RGPD3: variants seen among roughly 807,000 people sequenced by gnomAD.
The protein encoded by RGPD3 is ranBP2-like and GRIP domain-containing protein 3.
RGPD3 carries 62 observed loss-of-function variants against 154.5 expected under a neutral mutation model. The ratio of observed to expected loss-of-function variants is 0.40; its 90% confidence interval spans 0.33 to 0.50. The LOEUF is 0.50. Among genes scored for constraint, RGPD3 ranks in the 20% least tolerant of loss-of-function variants. RGPD3 has a pLI of 0.59. For synonymous variants in RGPD3, 308 were observed against 607.0 expected, an observed-to-expected ratio of 0.51 and a Z score of 7.24; for missense variants, 919 against 1,716.8, an observed-to-expected ratio of 0.54 and a Z score of 8.21.
At chr2:106,470,782 C>G, upstream of RGPD3, 1 of 1,587,500 alleles carries the variant, frequency 6.3e-7, no homozygotes, top group Non-Finnish European at 8.5e-7. Context: ...TTTTTGGCAA[C>G]ACCTAGTCCT....
rs746525859 is a variant in RGPD3, at chr2:106,425,123, C to T, written c.2844G>A (p.Gln948=). The change falls in exon 20 of 23, where the codon CAG becomes CAA. Residue 948 remains glutamine, a synonymous_variant. Transcript: ENST00000409886. ...TCTTCCGGCCACTAATATCCTGAGC[C>T]TGTAAGCCAGTATCATTTTCAAGAG... is the stretch of plus-strand genomic sequence containing the variant. ...EKPLENDTGL[Q]AQDISGRKKG... is the part of the protein sequence containing the mutation. 2 of 1,612,002 alleles carry T rather than the reference C, an allele frequency of 1.2e-6. No individual in the cohort carries two copies. The highest frequency in any genetic ancestry group is 2.2e-5 in the East Asian group (1 of 44,884).
chr2:106,437,911 C>T (rs1185263677), intron 9 of RGPD3, among the ~76,000 whole-genome samples: 1 of 152,184 alleles, frequency 6.6e-6, no homozygotes, highest in Admixed American at 6.5e-5. Flanking sequence ...TGGCCAGATG[C>T]AGTGGCTCAT....
upstream of RGPD3, among the ~76,000 whole-genome samples, chr2:106,470,036 A>G (rs1333223275): frequency 3.3e-5 from 5 of 152,024 alleles, no homozygotes; most frequent in East Asian, 7.7e-4. Flanking sequence ...TTCATTTGTA[A>G]CCTCTATCTC....
At chr2:106,467,557 T>C (rs1312638263) in intron 1 of RGPD3, among the ~76,000 whole-genome samples, 314 of 96,478 alleles carry the variant, frequency 3.3e-3, no homozygotes, top group African/African-American at 3.5e-3. Context: ...CAACAGAGCG[T>C]GCCAGGGAGC....
chr2:106,434,053 C>T (rs1025255343), intron 15 of RGPD3, among the ~76,000 whole-genome samples, 175 bp downstream of exon 15: 2 of 145,434 alleles, frequency 1.4e-5, no homozygotes, highest in African/African-American at 2.6e-5. Context: ...AAAAGACACA[C>T]CAAACCTAAG....
rs533281246 is a variant in RGPD3, at chr2:106,464,069, G to A, written c.72+4148C>T. 7.0e-3 allele frequency among the ~76,000 whole-genome samples: 1,061 copies of A among 152,346 alleles called. 4 individuals carry two copies. The highest frequency in any genetic ancestry group is 0.011 in the Non-Finnish European group (758 of 68,036). On this transcript the variant is annotated intron_variant, in intron 1 of 22. Transcript: ENST00000409886. ...GTACAGAATGTCTAAAATGGGGCCC[G>A]GCGCGGTGGCTCACGCCTGTAATCC...
chr2:106,464,579 A>T (rs866597101), intron 1 of RGPD3, among the ~76,000 whole-genome samples: 107 of 151,346 alleles, frequency 7.1e-4, no homozygotes, highest in Middle Eastern at 3.4e-3. Flanking sequence ...TTCTAAAAAA[A>T]ATATAAATAA....
chr2:106,451,247 A>C (rs1279705176), intron 6 of RGPD3, among the ~76,000 whole-genome samples: 2 of 151,902 alleles, frequency 1.3e-5, no homozygotes, highest in East Asian at 3.9e-4. Flanking sequence ...GTTTTCTAAA[A>C]TAATCTTAAA....
chr2:106,417,273 GCATC>G (rs1676849492), intron 20 of RGPD3, among the ~76,000 whole-genome samples: 2 of 103,508 alleles, frequency 1.9e-5, no homozygotes, highest in Non-Finnish European at 3.8e-5. Flanking sequence ...TACTTAATAA[GCATC>G]CATCCATCCA....
intron 1 of RGPD3, among the ~76,000 whole-genome samples, chr2:106,461,413 G>C (rs534472018): frequency 1.3e-5 from 2 of 152,284 alleles, no homozygotes; most frequent in South Asian, 4.2e-4. Flanking sequence ...TAGCAGGTGG[G>C]GAGCACATAC....
rs111757886 is a variant in RGPD3, at chr2:106,466,013, C to G, written c.72+2204G>C. The stretch of plus-strand genomic sequence containing the variant: ...CAGGCCAAGGAGGTATGACCTCCGC[C>G]GCAGCATATAAAGTAAATGTCCAGG... On this transcript the variant is annotated intron_variant, in intron 1 of 22. Coordinates refer to ENST00000409886, the MANE Select transcript of RGPD3 (RefSeq NM_001144013.2). 2.7e-4 allele frequency among the ~76,000 whole-genome samples: 41 copies of G among 152,038 alleles called. No individual in the cohort carries two copies. The South Asian group carries it at 7.1e-3, about 26-fold the overall frequency.
intron 1 of RGPD3, among the ~76,000 whole-genome samples, chr2:106,466,157 C>G (rs981328662): frequency 6.7e-6 from 1 of 148,892 alleles, no homozygotes; most frequent in African/African-American, 2.6e-5. Flanking sequence ...CGAGCACCGT[C>G]GGGAACAAGC....
chr2:106,432,111 T>C (rs1234595794), intron 17 of RGPD3, among the ~76,000 whole-genome samples: 4 of 148,840 alleles, frequency 2.7e-5, no homozygotes, highest in African/African-American at 9.9e-5. Flanking sequence ...TTTGAAGGTC[T>C]CAAATTTTGT....
chr2:106,417,586 G>A (rs1192300217), intron 20 of RGPD3, among the ~76,000 whole-genome samples: 1 of 149,718 alleles, frequency 6.7e-6, no homozygotes, highest in African/African-American at 2.5e-5. Flanking sequence ...CTCTTCCCGG[G>A]TTACAGTGTG....
intron 9 of RGPD3, among the ~76,000 whole-genome samples, chr2:106,438,696 T>C (rs74525522): frequency 3.6e-4 from 54 of 151,916 alleles, no homozygotes; most frequent in Admixed American, 1.2e-3. Flanking sequence ...GCAGTAGAAT[T>C]ACTTGAACCC....
At chr2:106,464,717 TA>T (rs1416105314) in intron 1 of RGPD3, among the ~76,000 whole-genome samples, 5 of 151,642 alleles carry the variant, frequency 3.3e-5, no homozygotes, top group Admixed American at 1.3e-4. Flanking sequence ...AAAAATTATA[TA>T]TTTTTTTCTT....
At chr2:106,420,865 T>C (rs1232795140) in intron 20 of RGPD3, among the ~76,000 whole-genome samples, 2 of 151,970 alleles carry the variant, frequency 1.3e-5, no homozygotes, top group African/African-American at 4.9e-5. Flanking sequence ...AGCCTGGAAC[T>C]TGTGGGCTCA....
intron 1 of RGPD3, among the ~76,000 whole-genome samples, chr2:106,461,552 T>A (rs1678405997): frequency 6.6e-6 from 1 of 151,924 alleles, no homozygotes; most frequent in Admixed American, 6.6e-5. Context: ...ATTTATATAA[T>A]CTTCCATTCA....
In RGPD3 at chr2:106,443,616, A is replaced by G. The variant is rs1677826781; in HGVS notation, c.979-2236T>C. 2.1e-5 allele frequency among the ~76,000 whole-genome samples: 2 copies of G among 93,910 alleles called. 1 individual carries two copies. The highest frequency in any genetic ancestry group is 4.6e-5 in the Non-Finnish European group (2 of 43,348). 61.6% of individuals were successfully genotyped at this position (93,910 alleles called of 152,430 possible). ...CCGGCCTCTTTTACAAAATTATTCA[A>G]TAGTTGAATTTGTGACCAGTTAATT... On this transcript the variant is annotated intron_variant, in intron 7 of 22. Transcript: ENST00000409886.
Sources: allele counts gnomAD v4.1 joint callset (sites outside exome capture counted in the v4.1 genomes callset), GRCh38; gene constraint gnomAD v4.1.1; transcripts MANE v1.5; gene names NCBI Gene and HGNC (gene_info 2026-07-23, HGNC 2026-07-21).